The following SRRM3 variants were observed in gnomAD, a reference collection of about 807,000 sequenced individuals.
SRRM3 encodes serine/arginine repetitive matrix 3, also known as serine/arginine repetitive matrix protein 3.
A neutral mutation model predicts 66.2 loss-of-function variants in SRRM3; 27 were observed. That is an observed-to-expected ratio of 0.41 (90% CI 0.30 to 0.56). The LOEUF (loss-of-function observed/expected upper bound fraction) is 0.56. SRRM3 is among the 20% of genes least tolerant of loss of function. The pLI, the probability that SRRM3 is intolerant of heterozygous loss-of-function variation, is 0.32. For missense variants in SRRM3, 918 were observed against 991.9 expected, an observed-to-expected ratio of 0.93 and a Z score of 1.00; for synonymous variants, 391 against 414.9, an observed-to-expected ratio of 0.94 and a Z score of 0.70.
Position 76,285,960 on chromosome 7 carries a change from C to T in SRRM3, c.*117C>T, listed in dbSNP as rs1802659671. 6.0e-6 allele frequency: 7 copies of T among 1,158,888 alleles called. No homozygotes were observed. The East Asian group carries it at 1.8e-4, about 30-fold the overall frequency. 71.8% of individuals were successfully genotyped at this position (1,158,888 alleles called of 1,614,324 possible). A position where few individuals can be genotyped will look rare whatever the true frequency, so the allele number is the denominator to read the frequency against. On this transcript the variant is annotated 3_prime_UTR_variant, in exon 15 of 15. Coordinates refer to ENST00000611745, the MANE Select transcript of SRRM3 (RefSeq NM_001110199.3). This position sits in a 1 kb window ranked among gnomAD's most constrained non-coding sequence, Gnocchi z 4.1. ...TGCCCCCAAGGCTACAAAGAGGTCTCAGGGCCAGTGCACGGGCAGATGGGA... is the reference window on the plus strand; with the variant it reads ...TGCCCCCAAGGCTACAAAGAGGTCTTAGGGCCAGTGCACGGGCAGATGGGA...
rs782363037 is a variant in SRRM3, at chr7:76,285,832, G to A, written c.1951G>A (p.Gly651Arg). The change falls in exon 15 of 15, where the codon GGG (glycine) becomes AGG (arginine). Residue 651 changes from glycine to arginine, a missense_variant. Physicochemically the swap from Gly to Arg is moderately radical, Grantham distance 125 (BLOSUM62 -2). Coordinates refer to ENST00000611745, the MANE Select transcript of SRRM3 (RefSeq NM_001110199.3). This position sits in a 1 kb window ranked among gnomAD's most constrained non-coding sequence, Gnocchi z 4.1. Reference protein sequence around the residue: ...SYHSRSSSESGGF With the variant: ...SYHSRSSSESRGF ...CCACAGCCGGAGCAGCTCTGAGAGCGGGGGCTTCTGAGCCCAGACAGACTC... is the reference window on the plus strand; with the variant it reads ...CCACAGCCGGAGCAGCTCTGAGAGCAGGGGCTTCTGAGCCCAGACAGACTC... 195 of 1,549,426 alleles carry A rather than the reference G, an allele frequency of 1.3e-4. No individual in the cohort carries two copies. In the East Asian group the frequency reaches 4.6e-3, roughly 36 times the overall value.
intron 14 of SRRM3, among the ~76,000 whole-genome samples, chr7:76,284,351 T>G (rs547772578): frequency 6.6e-6 from 1 of 152,158 alleles, no homozygotes; most frequent in South Asian, 2.1e-4. Flanking sequence ...ATTTTTTTTG[T>G]ATTTTTAGTA....
rs1802560715 is a variant in SRRM3, at chr7:76,282,794, C to G, written c.1517C>G (p.Ser506Cys). 6.8e-7 allele frequency: 1 copy of G among 1,466,528 alleles called. No individual in the cohort carries two copies. The highest frequency in any genetic ancestry group is 9.0e-7 in the Non-Finnish European group (1 of 1,115,176). The allele number at this position is 1,466,528 out of a possible 1,614,324, so 90.8% of individuals were successfully genotyped here. A position where few individuals can be genotyped will look rare whatever the true frequency, so the allele number is the denominator to read the frequency against. ...TCCTGGAGCTCCAGCCGCTCGCCCT[C>G]CAAATCTCGCTCGCGCTCTGCGGAG... ...PRSWSSSRSP[S>C]KSRSRSAEKR... is the part of the protein sequence containing the mutation. Residue 506 changes from serine to cysteine, a missense_variant, in exon 13 of 15, where the codon TCC becomes TGC. Physicochemically the swap from Ser to Cys is moderately radical, Grantham distance 112. Coordinates refer to ENST00000611745, the MANE Select transcript of SRRM3 (RefSeq NM_001110199.3).
At chr7:76,212,850 G>C (rs1389609343) in intron 1 of SRRM3, among the ~76,000 whole-genome samples, 2 of 151,928 alleles carry the variant, frequency 1.3e-5, no homozygotes, top group Non-Finnish European at 2.9e-5. Flanking sequence ...TGCACATGTG[G>C]TTCCCTTCGC....
At chr7:76,272,081 C>A (rs978225588) in intron 11 of SRRM3, among the ~76,000 whole-genome samples, 4 of 152,208 alleles carry the variant, frequency 2.6e-5, no homozygotes, top group Non-Finnish European at 5.9e-5. Context: ...GGGAGAAGCC[C>A]TCCTGTCCAG....
In SRRM3 at chr7:76,260,137, G is replaced by A. The variant is rs1554608377; in HGVS notation, c.485G>A (p.Ser162Asn). The part of the protein sequence containing the change: ...RGYRTKHWSS[S>N]SASPPPKKKK... ...CCCAGGACCAAGCATTGGTCTAGCAGCTCGGCATCGCCCCCTCCCAAGAAA... is the reference window on the plus strand; with the variant it reads ...CCCAGGACCAAGCATTGGTCTAGCAACTCGGCATCGCCCCCTCCCAAGAAA... Residue 162 changes from serine to asparagine, a missense_variant, in exon 5 of 15, where the codon AGC (serine) becomes AAC (asparagine). Coordinates refer to ENST00000611745, the MANE Select transcript of SRRM3 (RefSeq NM_001110199.3). The A allele has an allele frequency of 1.3e-6, 2 of 1,523,514 alleles. No homozygotes were observed. The highest frequency in any genetic ancestry group is 1.8e-6 in the Non-Finnish European group (2 of 1,140,740). The allele number at this position is 1,523,514 out of a possible 1,614,324, so 94.4% of individuals were successfully genotyped here. A position where few individuals can be genotyped will look rare whatever the true frequency, so the allele number is the denominator to read the frequency against.
chr7:76,215,246 T>A (rs1192055364), intron 1 of SRRM3, among the ~76,000 whole-genome samples: 2 of 151,868 alleles, frequency 1.3e-5, no homozygotes, highest in Non-Finnish European at 2.9e-5. Context: ...AAAACTACTA[T>A]GAAATGCATC....
intron 8 of SRRM3, among the ~76,000 whole-genome samples, chr7:76,264,504 T>C (rs1554609199): frequency 6.6e-6 from 1 of 152,102 alleles, no homozygotes; most frequent in Non-Finnish European, 1.5e-5. Flanking sequence ...CACACTTCTG[T>C]GGCCCTCCCA....
Position 76,276,648 on chromosome 7 carries a change from T to A in SRRM3, c.1009-4793T>A, listed in dbSNP as rs559399661. 4.6e-5 allele frequency among the ~76,000 whole-genome samples: 7 copies of A among 152,088 alleles called. No homozygotes were observed. The South Asian group carries it at 6.2e-4, about 14-fold the overall frequency. ...GGGGAGGTTCGGAGGTCTCTGAGCA[T>A]CCTATGAAATCCCATAGTGCTTGGC... On this transcript the variant is annotated intron_variant, in intron 11 of 14. Transcript: ENST00000611745.
At chr7:76,248,642 G>A (rs782101502) in intron 3 of SRRM3, among the ~76,000 whole-genome samples, 2 of 152,110 alleles carry the variant, frequency 1.3e-5, no homozygotes, top group African/African-American at 2.4e-5. Context: ...GTCTCTGGCC[G>A]ACAAAGTGAC....
Position 76,281,568 on chromosome 7 carries a change from CGGCGGGCGG to C in SRRM3, c.1144_1152del (p.Gly382_Gly384del), listed in dbSNP as rs1802508717. ...TCGTCCCAAGGTCGCGGAGGCCGCG[CGGCGGGCGG>C]GGCGGGCAGGCGGCGGCGGCGGCGG... is the stretch of plus-strand genomic sequence containing the variant. On this transcript the variant is annotated inframe_deletion, in exon 12 of 15. Transcript: ENST00000611745. 2.0e-6 allele frequency: 2 copies of C among 1,014,354 alleles called. No individual in the cohort carries two copies. Among genetic ancestry groups the C allele is most frequent in the African/African-American group, 3.5e-5 (2 of 57,450 alleles). 62.8% of individuals were successfully genotyped at this position (1,014,354 alleles called of 1,614,324 possible).
intron 14 of SRRM3, chr7:76,283,824 G>C: frequency 1.0e-6 from 1 of 985,394 alleles, no homozygotes; most frequent in Non-Finnish European, 1.2e-6. Context: ...GTCTGGGCCT[G>C]GGTCTCCGGG....
rs1802644722 is a variant in SRRM3 at position 76,285,648 on chromosome 7, C to T, written c.1767C>T (p.Pro589=). The T allele has an allele frequency of 7.1e-6, 11 of 1,550,980 alleles. No homozygotes were observed. The highest frequency in any genetic ancestry group is 9.6e-6 in the Non-Finnish European group (11 of 1,146,940). The change falls in exon 15 of 15, where the codon CCC becomes CCT. Residue 589 remains proline, a synonymous_variant. Transcript: ENST00000611745. This position sits in a 1 kb window ranked among gnomAD's most constrained non-coding sequence, Gnocchi z 4.1. ...AGCGTCCTATTCCATACTACCGGCC[C>T]AGCCCCTCTTCCTCCTCCAGCTGCT... ...ARKRPIPYYR[P]SPSSSSSCLS... is the part of the protein sequence containing the mutation.
At chr7:76,216,232 G>C (rs1433690976) in intron 1 of SRRM3, among the ~76,000 whole-genome samples, 1 of 151,428 alleles carries the variant, frequency 6.6e-6, no homozygotes, top group Non-Finnish European at 1.5e-5. Flanking sequence ...GGGATTACAG[G>C]CATGAGCCAC....
intron 3 of SRRM3, among the ~76,000 whole-genome samples, chr7:76,255,019 A>T (rs1437899580): frequency 6.6e-6 from 1 of 152,130 alleles, no homozygotes; most frequent in Non-Finnish European, 1.5e-5. Context: ...ACATCAAGGC[A>T]TCACCCAGCT....
chr7:76,219,029 A>G (rs1480312824), intron 1 of SRRM3, among the ~76,000 whole-genome samples: 1 of 151,410 alleles, frequency 6.6e-6, no homozygotes, highest in African/African-American at 2.4e-5. Flanking sequence ...TAATTTTTGT[A>G]TTTTTAGTAG....
At chr7:76,262,553 G>A (rs1801907020) in intron 8 of SRRM3, among the ~76,000 whole-genome samples, 1 of 151,314 alleles carries the variant, frequency 6.6e-6, no homozygotes, top group Admixed American at 6.6e-5. Context: ...TGGGTGTGGT[G>A]GCTCATGCCT....
chr7:76,280,539 T>A (rs1554611682), intron 11 of SRRM3, among the ~76,000 whole-genome samples: 1 of 151,674 alleles, frequency 6.6e-6, no homozygotes, highest in African/African-American at 2.4e-5. Context: ...CCAGCCCCGA[T>A]GCCTGTCCTG....
At chr7:76,237,029 GC>G (rs1801169930) in intron 2 of SRRM3, among the ~76,000 whole-genome samples, 2 of 152,198 alleles carry the variant, frequency 1.3e-5, no homozygotes, top group South Asian at 4.1e-4. Context: ...ACTTTGGGAG[GC>G]CGAAGTGGGC....
Sources: gnomAD v4.1 joint callset for allele counts (sites outside exome capture counted in the v4.1 genomes callset) on GRCh38, gnomAD v4.1.1 for gene constraint, Gnocchi (gnomAD v3.1) non-coding constraint, MANE v1.5 for transcripts, NCBI Gene and HGNC (gene_info 2026-07-23, HGNC 2026-07-21) for gene names.